EPB41L5: variants seen among roughly 807,000 people sequenced by gnomAD.
EPB41L5 encodes erythrocyte membrane protein band 4.1 like 5.
In EPB41L5, 55 loss-of-function variants were observed where a neutral mutation model predicts 106.6. That is an observed-to-expected ratio of 0.52 (90% CI 0.42 to 0.65). The LOEUF (loss-of-function observed/expected upper bound fraction) is 0.65. Ranked by LOEUF, EPB41L5 falls within the 30% of genes least tolerant of loss-of-function variation. The pLI, the probability that EPB41L5 is intolerant of heterozygous loss-of-function variation, is 0.00. For missense variants in EPB41L5, 871 were observed against 882.1 expected (o/e 0.99, Z 0.16); for synonymous variants, 297 against 306.7 (o/e 0.97, Z 0.33).
chr2:120,155,871 G>A (rs1468230689), intron 20 of EPB41L5, among the ~76,000 whole-genome samples: 8 of 151,914 alleles, frequency 5.3e-5, no homozygotes, highest in Admixed American at 1.3e-4. Flanking sequence ...GCTTGCTTCC[G>A]GCCCCCAGCG....
intron 23 of EPB41L5, 93 bp from the exon 24 acceptor site, chr2:120,167,784 C>A: frequency 1.4e-6 from 2 of 1,452,668 alleles, no homozygotes; most frequent in African/African-American, 1.4e-5. Flanking sequence ...CTTCGTTAAT[C>A]TCATAGTCAT....
chr2:120,097,778 T>C (rs946510920), intron 14 of EPB41L5, among the ~76,000 whole-genome samples: 1 of 152,204 alleles, frequency 6.6e-6, no homozygotes, highest in Admixed American at 6.5e-5. Flanking sequence ...TGAGAAATAA[T>C]TCAGTAATTC....
chr2:120,040,188 G>A (rs1462658318), intron 2 of EPB41L5, among the ~76,000 whole-genome samples: 1 of 152,028 alleles, frequency 6.6e-6, no homozygotes, highest in Non-Finnish European at 1.5e-5. Context: ...AAACAATAGA[G>A]GTTGACGTCT....
At chr2:120,098,393 G>A (rs1200474731) in intron 14 of EPB41L5, among the ~76,000 whole-genome samples, 2 of 152,014 alleles carry the variant, frequency 1.3e-5, no homozygotes, top group Non-Finnish European at 2.9e-5. Context: ...TTAATTTTTT[G>A]TAGAGTTGGA....
chr2:120,101,408 T>C (rs1245856263), intron 16 of EPB41L5, among the ~76,000 whole-genome samples: 1 of 152,216 alleles, frequency 6.6e-6, no homozygotes, highest in Non-Finnish European at 1.5e-5. Context: ...TTGTGTCTTA[T>C]TGGAGTTAAT....
intron 18 of EPB41L5, among the ~76,000 whole-genome samples, chr2:120,142,328 C>T (rs377518673): frequency 1.3e-5 from 2 of 151,980 alleles, no homozygotes; most frequent in Admixed American, 6.6e-5. Flanking sequence ...TGAATTACTT[C>T]CTTCCCCTTA....
At chr2:120,127,538 T>C (rs1232354277) in intron 16 of EPB41L5, 150 bp from the exon 17 acceptor site, 7 of 593,672 alleles carry the variant, frequency 1.2e-5, no homozygotes, top group Admixed American at 6.7e-5. Context: ...TTTTTAAATG[T>C]TTTTTTAATT....
At chr2:120,162,262 C>T (rs768488226) in intron 21 of EPB41L5, among the ~76,000 whole-genome samples, 1 of 152,232 alleles carries the variant, frequency 6.6e-6, no homozygotes, top group Non-Finnish European at 1.5e-5. Flanking sequence ...TCTGTATCCA[C>T]TCGCTAAACC....
intron 20 of EPB41L5, among the ~76,000 whole-genome samples, chr2:120,155,546 A>T (rs1324688475): frequency 1.3e-5 from 2 of 152,068 alleles, no homozygotes; most frequent in Non-Finnish European, 2.9e-5. Context: ...TCTTTTATCA[A>T]ACCTATTGAA....
At chr2:120,089,928 G>C (rs959104416) in intron 11 of EPB41L5, among the ~76,000 whole-genome samples, 1 of 151,996 alleles carries the variant, frequency 6.6e-6, no homozygotes, top group African/African-American at 2.4e-5. Context: ...GAAATCCTTA[G>C]AAAAATTTCT....
At chr2:120,167,601 G>T in intron 23 of EPB41L5, 94 bp downstream of exon 23, 1 of 1,332,732 alleles carries the variant, frequency 7.5e-7, no homozygotes, top group Non-Finnish European at 1.1e-6. Context: ...TTAAAAACAT[G>T]AGGGTTGTTA....
At chr2:120,064,711 A>G (rs1413415513) in intron 3 of EPB41L5, among the ~76,000 whole-genome samples, 1 of 152,220 alleles carries the variant, frequency 6.6e-6, no homozygotes, top group Non-Finnish European at 1.5e-5. Flanking sequence ...GGTACAGTGA[A>G]GAAAGAGAAT....
intron 10 of EPB41L5, among the ~76,000 whole-genome samples, chr2:120,079,416 A>G (rs1218320742): frequency 6.6e-6 from 1 of 152,112 alleles, no homozygotes; most frequent in Non-Finnish European, 1.5e-5. Flanking sequence ...CAGATCCCTC[A>G]CACTTAACTG....
intron 14 of EPB41L5, among the ~76,000 whole-genome samples, chr2:120,095,673 A>G (rs1425322464): frequency 6.6e-6 from 1 of 151,654 alleles, no homozygotes; most frequent in African/African-American, 2.4e-5. Context: ...TTAATTAATT[A>G]ATTAATTTTT....
chr2:120,075,559 T>C (rs1297281860), intron 6 of EPB41L5, 39 bp downstream of exon 6: 1 of 1,470,480 alleles, frequency 6.8e-7, no homozygotes, highest in Non-Finnish European at 9.5e-7. Context: ...CACATTTTCG[T>C]GAGTGGTTGA....
chr2:120,152,889 CTCATAGTATTTT>C (rs1475735859), intron 20 of EPB41L5, among the ~76,000 whole-genome samples: 1 of 152,140 alleles, frequency 6.6e-6, no homozygotes, highest in African/African-American at 2.4e-5. Context: ...GAGTAAATTG[CTCATAGTATTTT>C]CTTCAAATCC....
chr2:120,131,131 A>G (rs938833), intron 17 of EPB41L5, among the ~76,000 whole-genome samples: 96,755 of 152,050 alleles, frequency 0.64, 32,148 homozygotes, highest in Middle Eastern at 0.74. Flanking sequence ...TGATGGTACC[A>G]ATATATAATA....
chr2:120,062,248 G>C (rs1162653662), intron 3 of EPB41L5, among the ~76,000 whole-genome samples: 1 of 152,112 alleles, frequency 6.6e-6, no homozygotes, highest in African/African-American at 2.4e-5. Flanking sequence ...GAAAAACATA[G>C]AAATAAATAA....
intron 22 of EPB41L5, among the ~76,000 whole-genome samples, chr2:120,166,153 G>A (rs1167616213): frequency 1.3e-5 from 2 of 151,980 alleles, no homozygotes; most frequent in Non-Finnish European, 2.9e-5. Context: ...TGGAGGGGAC[G>A]TTAACACACA....
Sources: gnomAD v4.1 joint callset for allele counts (sites outside exome capture counted in the v4.1 genomes callset) on GRCh38, gnomAD v4.1.1 for gene constraint, MANE v1.5 for transcripts, NCBI Gene and HGNC (gene_info 2026-07-23, HGNC 2026-07-21) for gene names.